STARD13: variants seen among roughly 807,000 people sequenced by gnomAD.
The protein encoded by STARD13 is StAR related lipid transfer domain containing 13.
STARD13 carries 62 observed loss-of-function variants against 106.4 expected under a neutral mutation model. The ratio of observed to expected loss-of-function variants is 0.58; its 90% CI spans 0.48 to 0.72. STARD13 has a LOEUF of 0.72. Ranked by LOEUF, STARD13 falls within the 30% of genes least tolerant of loss-of-function variation. STARD13 has a pLI of 0.00. For missense variants in STARD13, 1,387 were observed against 1,424.0 expected (o/e 0.97, Z 0.42); for synonymous variants, 565 against 553.0 (o/e 1.02, Z -0.31).
the STARD13 span, among the ~76,000 whole-genome samples, chr13:33,504,703 A>G: frequency 6.6e-6 from 1 of 152,108 alleles, no homozygotes; most frequent in Admixed American, 6.5e-5. Flanking sequence ...ATGTATACCT[A>G]TGTAACAAAC....
At chr13:33,211,241 A>C (rs1887698224) in intron 1 of STARD13, among the ~76,000 whole-genome samples, 1 of 151,306 alleles carries the variant, frequency 6.6e-6, no homozygotes. Flanking sequence ...TAAAATAAAA[A>C]TATTATTTAA....
the STARD13 span, among the ~76,000 whole-genome samples, chr13:33,442,939 G>A: frequency 6.6e-6 from 1 of 152,250 alleles, no homozygotes; most frequent in Non-Finnish European, 1.5e-5. Context: ...CAGGATGCCA[G>A]GGGCCAGGGC....
the STARD13 span, among the ~76,000 whole-genome samples, chr13:33,674,328 T>A: frequency 2.0e-5 from 3 of 152,184 alleles, no homozygotes; most frequent in Admixed American, 2.0e-4. Flanking sequence ...TCATAATAGT[T>A]AATTTCAGCT....
intron 4 of STARD13, among the ~76,000 whole-genome samples, chr13:33,139,383 C>G (rs1190259273): frequency 6.6e-6 from 1 of 152,182 alleles, no homozygotes; most frequent in Non-Finnish European, 1.5e-5. Context: ...AGGAATAGTG[C>G]CTGGTGGGGA....
At chr13:33,507,655 G>T in the STARD13 span, among the ~76,000 whole-genome samples, 1 of 152,140 alleles carries the variant, frequency 6.6e-6, no homozygotes, top group Non-Finnish European at 1.5e-5. Context: ...AGCATAACTT[G>T]TGAGTCCCCA....
rs117702210 is a variant in STARD13 at position 33,145,590 on chromosome 13, T to A, written c.324-3217A>T. On this transcript the variant is annotated intron_variant, in intron 3 of 13. Transcript: ENST00000336934. ...TGAATGTTCATAGCAGCTTTAATCATAAGATAGCCAAAAAGTAGAAATGGC... is the reference window on the plus strand; with the variant it reads ...TGAATGTTCATAGCAGCTTTAATCAAAAGATAGCCAAAAAGTAGAAATGGC... 1.8e-4 allele frequency among the ~76,000 whole-genome samples: 28 copies of A among 152,256 alleles called. No homozygotes were observed. In the East Asian group the frequency reaches 5.4e-3, roughly 29 times the overall value.
chr13:33,146,579 G>A (rs1236887775), intron 3 of STARD13, among the ~76,000 whole-genome samples: 1 of 152,128 alleles, frequency 6.6e-6, no homozygotes, highest in Non-Finnish European at 1.5e-5. Flanking sequence ...TGATTTTTTG[G>A]AATATAAATT....
At chr13:33,418,705 C>T in the STARD13 span, among the ~76,000 whole-genome samples, 3 of 152,200 alleles carry the variant, frequency 2.0e-5, no homozygotes, top group Non-Finnish European at 1.5e-5. Context: ...ACAGACACCT[C>T]ATACAGGCGG....
the STARD13 span, among the ~76,000 whole-genome samples, chr13:33,598,040 C>T: frequency 6.6e-6 from 1 of 152,164 alleles, no homozygotes; most frequent in Non-Finnish European, 1.5e-5. Context: ...GCTTATTAAT[C>T]ATGTCATCTT....
At chr13:33,446,017 A>G in the STARD13 span, among the ~76,000 whole-genome samples, 5 of 152,240 alleles carry the variant, frequency 3.3e-5, no homozygotes, top group Non-Finnish European at 5.9e-5. Flanking sequence ...TGTACAAATT[A>G]TACATAAAAA....
chr13:33,519,490 G>T, the STARD13 span, among the ~76,000 whole-genome samples: 1 of 151,372 alleles, frequency 6.6e-6, no homozygotes, highest in Non-Finnish European at 1.5e-5. Flanking sequence ...GTGCCCAGCT[G>T]GGAATTTTTT....
chr13:33,666,531 G>A, the STARD13 span, among the ~76,000 whole-genome samples: 6 of 152,030 alleles, frequency 3.9e-5, no homozygotes, highest in African/African-American at 1.2e-4. Context: ...TCCTGACTTC[G>A]TGATCTGCCC....
At chr13:33,608,776 A>G in the STARD13 span, among the ~76,000 whole-genome samples, 1 of 152,160 alleles carries the variant, frequency 6.6e-6, no homozygotes, top group Non-Finnish European at 1.5e-5. Flanking sequence ...ATCTTCATAG[A>G]ACTAAAAAAA....
chr13:33,618,599 C>T, the STARD13 span, among the ~76,000 whole-genome samples: 1 of 152,036 alleles, frequency 6.6e-6, no homozygotes, highest in African/African-American at 2.4e-5. Flanking sequence ...AATTGTGAGA[C>T]TTCCTCTTCT....
At chr13:33,364,660 C>T in the STARD13 span, among the ~76,000 whole-genome samples, 14 of 152,120 alleles carry the variant, frequency 9.2e-5, no homozygotes, top group African/African-American at 2.4e-4. Context: ...GAGGCCGAGG[C>T]GGGTGGATCA....
the STARD13 span, among the ~76,000 whole-genome samples, chr13:33,510,873 G>T: frequency 6.6e-6 from 1 of 152,152 alleles, no homozygotes; most frequent in Admixed American, 6.5e-5. Flanking sequence ...ACATTTTTGT[G>T]TACTGAGTTC....
At chr13:33,359,682 A>G in the STARD13 span, 2 of 152,626 alleles carry the variant, frequency 1.3e-5, no homozygotes, top group Non-Finnish European at 2.9e-5. Flanking sequence ...AAAAAAATCT[A>G]GTCTCATTCT....
intron 1 of STARD13, among the ~76,000 whole-genome samples, chr13:33,248,137 T>G (rs1376141082): frequency 1.3e-5 from 2 of 152,176 alleles, no homozygotes; most frequent in Non-Finnish European, 2.9e-5. Flanking sequence ...TGGTGGCTCA[T>G]GCCTGTAATC....
chr13:33,372,947 AG>A, the STARD13 span, among the ~76,000 whole-genome samples: 1 of 151,952 alleles, frequency 6.6e-6, no homozygotes, highest in South Asian at 2.1e-4. Context: ...TAAGACCAAC[AG>A]GGGTCATGCT....
Sources: allele counts gnomAD v4.1 joint callset (sites outside exome capture counted in the v4.1 genomes callset), GRCh38; gene constraint gnomAD v4.1.1; transcripts MANE v1.5; gene names NCBI Gene and HGNC (gene_info 2026-07-23, HGNC 2026-07-21).